The following KRT80 variants were observed in gnomAD, a reference collection of about 807,000 sequenced individuals.
KRT80 encodes keratin 80, also known as keratin, type II cytoskeletal 80.
A neutral mutation model predicts 51.5 loss-of-function variants in KRT80; 36 were observed. The observed-to-expected ratio is 0.70, with a 90% CI of 0.54 to 0.92. The LOEUF (loss-of-function observed/expected upper bound fraction) is 0.92. Among genes scored for constraint, KRT80 ranks in the 40% least tolerant of loss-of-function variants. The pLI is 0.00. For synonymous variants in KRT80, 235 were observed against 248.3 expected, an observed-to-expected ratio of 0.95 and a Z score of 0.50; for missense variants, 566 against 591.7, an observed-to-expected ratio of 0.96 and a Z score of 0.45.
chr12:52,176,725 C>A (rs144952026), intron 4 of KRT80, among the ~76,000 whole-genome samples: 1 of 152,216 alleles, frequency 6.6e-6, no homozygotes, highest in South Asian at 2.1e-4. Flanking sequence ...AGGTTATCCG[C>A]CCGCTTCGGC....
chr12:52,174,317 C>T (rs1054800568), intron 4 of KRT80, among the ~76,000 whole-genome samples: 1 of 152,184 alleles, frequency 6.6e-6, no homozygotes, highest in African/African-American at 2.4e-5. Flanking sequence ...CAGGGAGTGA[C>T]CAGGGTGGAG....
At chr12:52,181,582 A>G (rs891878236) in intron 2 of KRT80, among the ~76,000 whole-genome samples, 1 of 152,146 alleles carries the variant, frequency 6.6e-6, no homozygotes, top group Non-Finnish European at 1.5e-5. Flanking sequence ...GCATGTGCCC[A>G]CGTGTACAGG....
intron 4 of KRT80, among the ~76,000 whole-genome samples, chr12:52,175,892 G>A (rs1384332063): frequency 6.6e-6 from 1 of 152,162 alleles, no homozygotes; most frequent in Non-Finnish European, 1.5e-5. Flanking sequence ...ACCCTGGCTG[G>A]GGCTTGGCTG....
chr12:52,171,950 CA>C (rs1290411029), intron 7 of KRT80, among the ~76,000 whole-genome samples: 1 of 152,118 alleles, frequency 6.6e-6, no homozygotes, highest in Non-Finnish European at 1.5e-5. Context: ...CAGGCATTTG[CA>C]GGCATAATCA....
chr12:52,176,807 C>A (rs1038395905), intron 4 of KRT80, among the ~76,000 whole-genome samples: 1 of 152,202 alleles, frequency 6.6e-6, no homozygotes, highest in African/African-American at 2.4e-5. Flanking sequence ...TTGAGTAACC[C>A]TGGTCAAGTT....
At chr12:52,185,619 G>A (rs774764945) in intron 1 of KRT80, 32 bp from the exon 2 acceptor site, 3 of 1,596,406 alleles carry the variant, frequency 1.9e-6, no homozygotes, top group Non-Finnish European at 1.7e-6. Flanking sequence ...GAATGGGTCA[G>A]GTGTGGACCA....
rs531627038 is a variant in KRT80, at chr12:52,170,656, G to A, written c.*742C>T. 6.6e-6 allele frequency: 1 copy of A among 152,454 alleles called. No individual in the cohort carries two copies. The highest frequency in any genetic ancestry group is 1.5e-5 in the Non-Finnish European group (1 of 68,084). 9.4% of individuals were successfully genotyped at this position (152,454 alleles called of 1,614,324 possible). On this transcript the variant is annotated 3_prime_UTR_variant, in exon 9 of 9. Coordinates refer to ENST00000394815, the MANE Select transcript of KRT80 (RefSeq NM_182507.3). ...ACTCCCAGGGAGTTGATTATGGCAA[G>A]AGCAGCTTCCGGAGAAGCTGCTGGG...
rs1358921610 is a variant in KRT80 at position 52,173,053 on chromosome 12, G to C, written c.942C>G (p.Leu314=). 4 of 1,611,450 alleles carry C rather than the reference G, an allele frequency of 2.5e-6. No homozygotes were observed. The highest frequency in any genetic ancestry group is 1.7e-5 in the Admixed American group (1 of 59,884). The change falls in exon 6 of 9, where the codon CTC becomes CTG. Residue 314 remains leucine, a synonymous_variant. Transcript: ENST00000394815. ...AGATACTCACATGGCTCTTGACAGA[G>C]AGGATCTGGGACCGCAGCTTCTGGA... ...VRIQKLRSQI[L]SVKSHCLKLE...
At chr12:52,177,497 A>G (rs1941248296) in intron 4 of KRT80, among the ~76,000 whole-genome samples, 1 of 152,162 alleles carries the variant, frequency 6.6e-6, no homozygotes. Context: ...ACTGTGTCTC[A>G]GAAACTGTGG....
At chr12:52,186,145 G>A (rs1442718445) in intron 1 of KRT80, among the ~76,000 whole-genome samples, 2 of 151,938 alleles carry the variant, frequency 1.3e-5, no homozygotes, top group Non-Finnish European at 2.9e-5. Flanking sequence ...CCTCCACCCT[G>A]TCCAGCCGAG....
intron 4 of KRT80, among the ~76,000 whole-genome samples, chr12:52,176,436 C>T (rs532895622): frequency 3.4e-4 from 51 of 151,722 alleles, no homozygotes; most frequent in Admixed American, 2.6e-3. Context: ...TAAAATATAG[C>T]GCTAATGGCT....
chr12:52,171,405 G>T lies in KRT80; in HGVS notation c.1352C>A (p.Ser451Ter). Residue 451 changes from serine (S) to a stop codon, truncating the protein, a stop_gained, in exon 9 of 9, where the codon TCA becomes TAA. Coordinates refer to ENST00000394815, the MANE Select transcript of KRT80 (RefSeq NM_182507.3). LOFTEE classifies it high-confidence loss of function. ...TCCTGGGGTCCAGCCGCCTTACTCT[G>T]AGACCTCCGACTCCTGCGAGAAGTA... ...EKYFSQESEV[S>*]E 1 of 1,590,346 alleles carries T rather than the reference G, an allele frequency of 6.3e-7. No homozygotes were observed. Among genetic ancestry groups the T allele is most frequent in the South Asian group, 1.2e-5 (1 of 86,226 alleles).
At chr12:52,175,599 C>T (rs1941204739) in intron 4 of KRT80, among the ~76,000 whole-genome samples, 1 of 152,098 alleles carries the variant, frequency 6.6e-6, no homozygotes, top group African/African-American at 2.4e-5. Context: ...CTCTGCCCAC[C>T]AGCACCTCCT....
chr12:52,172,530 G>A, intron 6 of KRT80, 112 bp from the exon 7 acceptor site: 1 of 923,844 alleles, frequency 1.1e-6, no homozygotes, highest in Non-Finnish European at 1.6e-6. Context: ...AGGGAGGGCT[G>A]AGCAATGGCA....
Position 52,191,791 on chromosome 12 carries a change from C to G in KRT80, c.112G>C (p.Gly38Arg). Reference protein sequence around the residue: ...TSGWDSCRAPGPGFSSRSLTG... With the variant: ...TSGWDSCRAPRPGFSSRSLTG... ...AGGCTGCGGGAGCTGAAGCCCGGCC[C>G]GGGGGCCCTGCAGCTGTCCCATCCT... The change falls in exon 1 of 9, where the codon GGG becomes CGG. Residue 38 changes from glycine (G) to arginine (R), a missense_variant. By Grantham distance (125) the Gly-to-Arg change is moderately radical. Coordinates refer to ENST00000394815, the MANE Select transcript of KRT80 (RefSeq NM_182507.3). The G allele has an allele frequency of 2.5e-6, 4 of 1,610,054 alleles. No homozygotes were observed. Among genetic ancestry groups the G allele is most frequent in the Non-Finnish European group, 2.5e-6 (3 of 1,178,432 alleles).
chr12:52,176,209 C>T (rs187915094), intron 4 of KRT80, among the ~76,000 whole-genome samples: 10 of 152,276 alleles, frequency 6.6e-5, no homozygotes, highest in South Asian at 4.1e-4. Flanking sequence ...AGGCCCCTGC[C>T]GGGCTGCAGA....
Position 52,191,019 on chromosome 12 carries a change from C to T in KRT80, c.300+584G>A, listed in dbSNP as rs115865031. ...CCCAACTGGCTTCCCTGTTCTGACT[C>T]GAGGCATCGTCCCCTGCATTCCTAT... is the stretch of plus-strand genomic sequence containing the variant. On this transcript the variant is annotated intron_variant, in intron 1 of 8. Transcript: ENST00000394815. Among the ~76,000 whole-genome samples, 1,262 of 152,256 alleles carry T rather than the reference C, an allele frequency of 8.3e-3. 12 individuals carry two copies. Among genetic ancestry groups the T allele is most frequent in the African/African-American group, 0.029 (1,213 of 41,540 alleles).
rs567208141 is a variant in KRT80 at position 52,173,293 on chromosome 12, T to C, written c.832-130A>G. The C allele has an allele frequency of 4.9e-6, 6 of 1,229,542 alleles. No individual in the cohort carries two copies. The South Asian group carries it at 1.0e-4, about 21-fold the overall frequency. 76.2% of individuals were successfully genotyped at this position (1,229,542 alleles called of 1,614,324 possible). A position where few individuals can be genotyped will look rare whatever the true frequency, so the allele number is the denominator to read the frequency against. On this transcript the variant is annotated intron_variant, in intron 5 of 8. Coordinates refer to ENST00000394815, the MANE Select transcript of KRT80 (RefSeq NM_182507.3). The stretch of plus-strand genomic sequence containing the variant: ...TGCAGCCCACCACGCCACGCCAGGC[T>C]CCCTCAGCTCCCCCTTCCACCTCCC...
rs990301050 is a variant in KRT80, at chr12:52,169,729, C to T, written c.*1669G>A. 4 of 152,232 alleles carry T rather than the reference C, an allele frequency of 2.6e-5. No individual in the cohort carries two copies. The highest frequency in any genetic ancestry group is 9.6e-5 in the African/African-American group (4 of 41,452). The allele number at this position is 152,232 out of a possible 1,614,324, so 9.4% of individuals were successfully genotyped here. Reference sequence around the variant, plus strand: ...AAAAAATAATATATACTTTATATGTCTTGTATCCCCACTGAGGATTTGCTC... The same window carrying T: ...AAAAAATAATATATACTTTATATGTTTTGTATCCCCACTGAGGATTTGCTC... On this transcript the variant is annotated 3_prime_UTR_variant, in exon 9 of 9. Transcript: ENST00000394815.
Sources: gnomAD v4.1 joint callset for allele counts (sites outside exome capture counted in the v4.1 genomes callset) on GRCh38, gnomAD v4.1.1 for gene constraint, MANE v1.5 for transcripts, NCBI Gene and HGNC (gene_info 2026-07-23, HGNC 2026-07-21) for gene names.